ADGRL3: variants seen among roughly 807,000 people sequenced by gnomAD.
ADGRL3 encodes adhesion G protein-coupled receptor L3, also known as calcium-independent alpha-latrotoxin receptor 3.
A neutral mutation model predicts 153.5 loss-of-function variants in ADGRL3; 62 were observed. The observed-to-expected ratio is 0.40, with a 90% CI of 0.33 to 0.50. ADGRL3 has a LOEUF of 0.50. Ranked by LOEUF, ADGRL3 falls within the 20% of genes least tolerant of loss-of-function variation. The pLI, the probability that ADGRL3 is intolerant of heterozygous loss-of-function variation, is 0.47. For synonymous variants in ADGRL3, 710 were observed against 672.5 expected, an observed-to-expected ratio of 1.06 and a Z score of -0.86; for missense variants, 1,641 against 1,859.4, an observed-to-expected ratio of 0.88 and a Z score of 2.16.
At chr4:61,466,031 A>G (rs2097879167) in intron 2 of ADGRL3, among the ~76,000 whole-genome samples, 1 of 151,860 alleles carries the variant, frequency 6.6e-6, no homozygotes, top group Non-Finnish European at 1.5e-5. Flanking sequence ...CTGAGACAGG[A>G]GAATCACTTG....
chr4:61,477,262 A>G (rs193179606), intron 2 of ADGRL3, among the ~76,000 whole-genome samples: 2 of 152,322 alleles, frequency 1.3e-5, no homozygotes, highest in East Asian at 3.9e-4. Context: ...TTTTAATCTG[A>G]CAACATGGTC....
chr4:61,929,382 TAGCAGCCCA>T (rs1460789813), intron 13 of ADGRL3, among the ~76,000 whole-genome samples: 1 of 152,198 alleles, frequency 6.6e-6, no homozygotes, highest in Non-Finnish European at 1.5e-5. Flanking sequence ...TATTTTGTTC[TAGCAGCCCA>T]AATGGACTAA....
chr4:61,935,788 A>T, intron 14 of ADGRL3, 135 bp from the exon 15 acceptor site: 1 of 833,112 alleles, frequency 1.2e-6, no homozygotes, highest in Non-Finnish European at 1.8e-6. Context: ...TATTTTCTTA[A>T]AGATTTTCAT....
intron 1 of ADGRL3, among the ~76,000 whole-genome samples, chr4:61,213,487 C>G (rs1315586874): frequency 1.3e-5 from 2 of 151,956 alleles, no homozygotes; most frequent in African/African-American, 4.8e-5. Context: ...TACATGCTTA[C>G]GTTGAACACT....
At chr4:61,984,567 T>C (rs1265210398) in intron 19 of ADGRL3, among the ~76,000 whole-genome samples, 1 of 152,146 alleles carries the variant, frequency 6.6e-6, no homozygotes, top group Non-Finnish European at 1.5e-5. Flanking sequence ...AACTCATCTC[T>C]AAGAAGCAAA....
chr4:61,640,072 A>G (rs530746515), intron 5 of ADGRL3, among the ~76,000 whole-genome samples: 3 of 152,140 alleles, frequency 2.0e-5, no homozygotes, highest in Non-Finnish European at 4.4e-5. Context: ...AAGTGGCCAG[A>G]ATAGTTAACA....
At chr4:61,993,165 TG>T (rs1211446697) in intron 19 of ADGRL3, among the ~76,000 whole-genome samples, 1 of 1,054 alleles carries the variant, frequency 9.5e-4, no homozygotes, top group African/African-American at 1.0e-3. Flanking sequence ...GGGCTGCAGT[TG>T]TGTGTGTGTG....
intron 5 of ADGRL3, among the ~76,000 whole-genome samples, chr4:61,616,533 A>G (rs896864841): frequency 6.6e-6 from 1 of 152,172 alleles, no homozygotes; most frequent in Non-Finnish European, 1.5e-5. Flanking sequence ...AAACAGCTTG[A>G]TTAGTTGAAG....
chr4:62,035,626 A>G (rs1724555254), intron 23 of ADGRL3, among the ~76,000 whole-genome samples: 1 of 152,120 alleles, frequency 6.6e-6, no homozygotes, highest in South Asian at 2.1e-4. Context: ...TCAAGTTCTA[A>G]TTAAAGCATT....
chr4:61,232,895 G>C (rs1326871351), intron 1 of ADGRL3, among the ~76,000 whole-genome samples: 1 of 152,086 alleles, frequency 6.6e-6, no homozygotes, highest in Non-Finnish European at 1.5e-5. Context: ...CTGTGAAACT[G>C]TCATCAGGAC....
At chr4:61,595,685 A>T (rs2098986109) in intron 5 of ADGRL3, among the ~76,000 whole-genome samples, 1 of 152,156 alleles carries the variant, frequency 6.6e-6, no homozygotes, top group Non-Finnish European at 1.5e-5. Context: ...TTCCTAAGTC[A>T]CATGCCACCC....
At chr4:61,638,379 A>G (rs544711543) in intron 5 of ADGRL3, among the ~76,000 whole-genome samples, 1 of 152,304 alleles carries the variant, frequency 6.6e-6, no homozygotes, top group East Asian at 1.9e-4. Context: ...GAAAGAGAGT[A>G]TGAAGACACT....
At chr4:61,811,347 T>TA (rs2097616901) in intron 8 of ADGRL3, among the ~76,000 whole-genome samples, 1 of 152,026 alleles carries the variant, frequency 6.6e-6, no homozygotes, top group Non-Finnish European at 1.5e-5. Flanking sequence ...AGTTTTTTTT[T>TA]AATTATGTTG....
chr4:61,433,964 C>G (rs1388086951), intron 2 of ADGRL3, among the ~76,000 whole-genome samples: 1 of 152,108 alleles, frequency 6.6e-6, no homozygotes, highest in Non-Finnish European at 1.5e-5. Context: ...ATCCTTAGGT[C>G]CTATTAATCG....
At chr4:61,755,612 T>A (rs1265582314) in intron 8 of ADGRL3, among the ~76,000 whole-genome samples, 1 of 152,198 alleles carries the variant, frequency 6.6e-6, no homozygotes, top group African/African-American at 2.4e-5. Flanking sequence ...GTGCAGAAGC[T>A]CTTTAGTTTA....
chr4:61,380,425 T>C (rs1381585571), intron 1 of ADGRL3, among the ~76,000 whole-genome samples: 2 of 152,070 alleles, frequency 1.3e-5, no homozygotes, highest in African/African-American at 4.8e-5. Context: ...AAAATGTACC[T>C]TGAACATTCA....
At chr4:62,027,036 A>G (rs1483700084) in intron 21 of ADGRL3, among the ~76,000 whole-genome samples, 1 of 152,060 alleles carries the variant, frequency 6.6e-6, no homozygotes, top group African/African-American at 2.4e-5. Context: ...TTTTCTTGAC[A>G]TTGTACTATA....
intron 6 of ADGRL3, among the ~76,000 whole-genome samples, chr4:61,726,210 G>GTTTTTTTTTTTTTTTTTTGTTTT (rs149472429): frequency 2.5e-5 from 3 of 118,478 alleles, no homozygotes; most frequent in South Asian, 3.0e-4. Context: ...TTTTTTTTTT[G>GTTTTTTTTTTTTTTTTTTGTTTT]TTTTTTGAGA....
chr4:61,903,831 G>A (rs2098680005), intron 11 of ADGRL3, among the ~76,000 whole-genome samples: 1 of 151,712 alleles, frequency 6.6e-6, no homozygotes, highest in South Asian at 2.1e-4. Context: ...GAAGTGCTGT[G>A]GCATGGCCAT....
Sources: gnomAD v4.1 joint callset for allele counts (sites outside exome capture counted in the v4.1 genomes callset) on GRCh38, gnomAD v4.1.1 for gene constraint, MANE v1.5 for transcripts, NCBI Gene and HGNC (gene_info 2026-07-23, HGNC 2026-07-21) for gene names.